Variants in ATG7 observed in about 807,000 individuals in gnomAD.
The protein encoded by ATG7 is ubiquitin-like modifier-activating enzyme ATG7.
Under a neutral mutation model 82.4 loss-of-function variants are expected in ATG7, and 70 were observed. The observed-to-expected ratio is 0.85, with a 90% CI of 0.70 to 1.04. The LOEUF (loss-of-function observed/expected upper bound fraction) is 1.04, where lower values mean the gene tolerates loss of function less well. Among genes scored for constraint, ATG7 ranks in the 50% least tolerant of loss-of-function variants. The pLI is 0.00. For missense variants in ATG7, 792 were observed against 864.3 expected, an observed-to-expected ratio of 0.92 and a Z score of 1.05; for synonymous variants, 287 against 313.0, an observed-to-expected ratio of 0.92 and a Z score of 0.88.
chr3:11,485,574 T>C (rs1053123573), intron 20 of ATG7, among the ~76,000 whole-genome samples: 12 of 152,366 alleles, frequency 7.9e-5, no homozygotes, highest in African/African-American at 2.6e-4. Flanking sequence ...TTTTGGCTTT[T>C]GTTGACATTG....
rs76377240 is a variant in ATG7, at chr3:11,298,510, A to G, written c.-10-176A>G. The stretch of plus-strand genomic sequence containing the variant: ...TTTACCTCAAAATAATCAAGATGGT[A>G]AAGTATATGTTATGTGTTTCTTACC... On this transcript the variant is annotated intron_variant, in intron 3 of 20. Transcript: ENST00000693202. Among the ~76,000 whole-genome samples, 948 of 152,352 alleles carry G rather than the reference A, an allele frequency of 6.2e-3. 11 individuals carry two copies. The highest frequency in any genetic ancestry group is 9.8e-3 in the Admixed American group (150 of 15,308).
Position 11,555,890 on chromosome 3 carries a change from A to G in ATG7, c.*1047A>G, listed in dbSNP as rs1265442699. 6.6e-6 allele frequency: 1 copy of G among 152,332 alleles called. No individual in the cohort carries two copies. The highest frequency in any genetic ancestry group is 6.5e-5 in the Admixed American group (1 of 15,284). The allele number at this position is 152,332 out of a possible 1,614,324, so 9.4% of individuals were successfully genotyped here. A position where few individuals can be genotyped will look rare whatever the true frequency, so the allele number is the denominator to read the frequency against. The stretch of plus-strand genomic sequence containing the variant: ...AAAATTGAGTCGAGCTGACCCTTAC[A>G]ACAGTAGGATTTAGTAGGGTAGATT... On this transcript the variant is annotated 3_prime_UTR_variant, in exon 21 of 21. Transcript: ENST00000693202.
chr3:11,421,731 A>G (rs184102440), intron 19 of ATG7, among the ~76,000 whole-genome samples: 257 of 152,364 alleles, frequency 1.7e-3, no homozygotes, highest in African/African-American at 5.6e-3. Context: ...GATCAGATCC[A>G]TCAGAGAAAT....
downstream of ATG7, chr3:11,558,934 G>T: frequency 1.5e-6 from 2 of 1,330,194 alleles, no homozygotes; most frequent in Non-Finnish European, 2.1e-6. Context: ...TGGCTGCCAC[G>T]GTCAGCGTGG....
chr3:11,365,152 A>T (rs749173936), intron 18 of ATG7, among the ~76,000 whole-genome samples: 2 of 152,222 alleles, frequency 1.3e-5, no homozygotes, highest in Non-Finnish European at 2.9e-5. Context: ...ATCACCTGGT[A>T]GTTGTATGGA....
chr3:11,404,342 G>A (rs1576141243), intron 19 of ATG7, among the ~76,000 whole-genome samples: 1 of 151,680 alleles, frequency 6.6e-6, no homozygotes, highest in South Asian at 2.1e-4. Flanking sequence ...CACCATATTG[G>A]CCAGGCTGGT....
At chr3:11,564,405 A>AG in the ATG7 span, among the ~76,000 whole-genome samples, 2 of 151,098 alleles carry the variant, frequency 1.3e-5, no homozygotes, top group African/African-American at 4.9e-5. Flanking sequence ...GAAACGTAGG[A>AG]CCCCCCCACC....
At chr3:11,283,163 C>A (rs1447241534) in intron 3 of ATG7, among the ~76,000 whole-genome samples, 1 of 152,180 alleles carries the variant, frequency 6.6e-6, no homozygotes, top group Non-Finnish European at 1.5e-5. Context: ...TTCTCGATGA[C>A]CTGTAGTGGG....
At chr3:11,335,633 A>C (rs1952328083) in intron 11 of ATG7, among the ~76,000 whole-genome samples, 1 of 152,174 alleles carries the variant, frequency 6.6e-6, no homozygotes, top group Non-Finnish European at 1.5e-5. Flanking sequence ...CTTTTATGAC[A>C]AAGTCACTGA....
intron 19 of ATG7, among the ~76,000 whole-genome samples, chr3:11,381,522 T>C (rs1394035046): frequency 6.6e-6 from 1 of 152,242 alleles, no homozygotes; most frequent in Non-Finnish European, 1.5e-5. Context: ...ATACTGTTTA[T>C]AAAAGAATCA....
chr3:11,295,029 T>G (rs1424815279), intron 3 of ATG7, among the ~76,000 whole-genome samples: 1 of 152,156 alleles, frequency 6.6e-6, no homozygotes, highest in Non-Finnish European at 1.5e-5. Context: ...GGAGAATTGC[T>G]TGAACCAAGG....
chr3:11,477,876 T>C (rs1046854932), intron 20 of ATG7, among the ~76,000 whole-genome samples: 1 of 152,202 alleles, frequency 6.6e-6, no homozygotes, highest in Non-Finnish European at 1.5e-5. Flanking sequence ...TTTCTCCCTG[T>C]GGCAGGAAAC....
chr3:11,574,190 G>A, the ATG7 span, among the ~76,000 whole-genome samples: 19 of 152,148 alleles, frequency 1.2e-4, no homozygotes, highest in Non-Finnish European at 2.8e-4. Flanking sequence ...CCTAGGAAAC[G>A]AACACAATTC....
intron 20 of ATG7, among the ~76,000 whole-genome samples, chr3:11,434,720 C>G (rs1054105507): frequency 3.3e-5 from 5 of 152,116 alleles, no homozygotes; most frequent in Admixed American, 6.5e-5. Flanking sequence ...GGAAAATAGA[C>G]AATGAAGTCT....
chr3:11,563,522 G>A, the ATG7 span, among the ~76,000 whole-genome samples: 20 of 152,310 alleles, frequency 1.3e-4, no homozygotes, highest in East Asian at 3.9e-3. Context: ...GCTCCCTGTG[G>A]CCGTGACAGT....
At chr3:11,559,919 A>C (rs75471299), downstream of ATG7, among the ~76,000 whole-genome samples, 1,556 of 152,266 alleles carry the variant, frequency 0.01, 29 homozygotes, top group African/African-American at 0.035. Flanking sequence ...GCTTGAGCCA[A>C]AGCCAGCTCG....
chr3:11,327,114 A>C (rs1950997066), intron 9 of ATG7, among the ~76,000 whole-genome samples: 1 of 152,194 alleles, frequency 6.6e-6, no homozygotes, highest in Admixed American at 6.5e-5. Context: ...GAAATGTACT[A>C]GTCTGTCATC....
chr3:11,404,327 C>A (rs995616539), intron 19 of ATG7, among the ~76,000 whole-genome samples: 1 of 151,384 alleles, frequency 6.6e-6, no homozygotes, highest in Non-Finnish European at 1.5e-5. Context: ...GTAGAGATGG[C>A]GTTTCACCAT....
In ATG7 at chr3:11,360,764, G is replaced by A; in HGVS notation, c.1663G>A (p.Asp555Asn). The A allele has an allele frequency of 6.2e-7, 1 of 1,614,206 alleles. No homozygotes were observed. ...GYKLGCYFCN[D>N]VVAPGDSTRD... ...CAAGCTTGGCTGCTACTTCTGCAATGATGTGGTGGCCCCAGGAGATGTAAG... is the reference window on the plus strand; with the variant it reads ...CAAGCTTGGCTGCTACTTCTGCAATAATGTGGTGGCCCCAGGAGATGTAAG... The change falls in exon 16 of 21, where the codon GAT becomes AAT. Residue 555 changes from aspartate to asparagine, a missense_variant. Transcript: ENST00000693202.
Sources: gnomAD v4.1 joint callset for allele counts (sites outside exome capture counted in the v4.1 genomes callset) on GRCh38, gnomAD v4.1.1 for gene constraint, MANE v1.5 for transcripts, NCBI Gene and HGNC (gene_info 2026-07-23, HGNC 2026-07-21) for gene names.